HTR1F: variants seen among roughly 807,000 people sequenced by gnomAD.
HTR1F encodes the protein 5-hydroxytryptamine receptor 1F.
A neutral mutation model predicts 24.0 loss-of-function variants in HTR1F; 17 were observed. The ratio of observed to expected loss-of-function variants is 0.71; its 90% confidence interval spans 0.48 to 1.06. HTR1F has a LOEUF of 1.06. Among genes scored for constraint, HTR1F ranks in the 50% least tolerant of loss-of-function variants. The probability of loss-of-function intolerance (pLI) is 0.00; values close to 1 mark genes in which losing one functional copy is unlikely to be tolerated. For missense variants in HTR1F, 391 were observed against 427.8 expected, an observed-to-expected ratio of 0.91 and a Z score of 0.76; for synonymous variants, 186 against 156.8, an observed-to-expected ratio of 1.19 and a Z score of -1.39.
intron 2 of HTR1F, among the ~76,000 whole-genome samples, chr3:87,978,447 AACAGTACAGCTCTCAGT>A (rs1338474756): frequency 8.5e-5 from 13 of 152,290 alleles, no homozygotes; most frequent in South Asian, 6.2e-4. Flanking sequence ...TTTATTGAGC[AACAGTACAGCTCTCAGT>A]ACAGTACAGC....
chr3:87,839,655 A>T (rs1050441640), intron 2 of HTR1F, among the ~76,000 whole-genome samples: 9 of 152,066 alleles, frequency 5.9e-5, no homozygotes, highest in African/African-American at 2.2e-4. Flanking sequence ...AAGTACATGT[A>T]CATGATTGTT....
chr3:87,846,071 G>T (rs972858859), intron 2 of HTR1F, among the ~76,000 whole-genome samples: 11 of 151,828 alleles, frequency 7.2e-5, no homozygotes, highest in African/African-American at 2.2e-4. Context: ...TACTCAGGTG[G>T]ATCTGAGATT....
intron 2 of HTR1F, among the ~76,000 whole-genome samples, chr3:87,843,511 C>CT (rs56345027): frequency 0.095 from 13,103 of 138,146 alleles, 617 homozygotes; most frequent in Middle Eastern, 0.13. Context: ...CTTTCTTTTT[C>CT]TTTTTTTTTT....
chr3:87,976,590 C>T (rs1705399049), intron 2 of HTR1F, among the ~76,000 whole-genome samples: 1 of 152,014 alleles, frequency 6.6e-6, no homozygotes, highest in Admixed American at 6.6e-5. Context: ...TTTAACACAC[C>T]CTAAGCATGT....
intron 2 of HTR1F, among the ~76,000 whole-genome samples, chr3:87,880,646 T>G (rs868651904): frequency 0.063 from 9,252 of 147,174 alleles, 923 homozygotes; most frequent in African/African-American, 0.21. Flanking sequence ...GTGTGTTTGT[T>G]TGTGTGTGTG....
chr3:87,960,847 G>T (rs1208582281), intron 2 of HTR1F, among the ~76,000 whole-genome samples: 2 of 151,850 alleles, frequency 1.3e-5, no homozygotes, highest in African/African-American at 4.8e-5. Context: ...CTTATATGGT[G>T]GTAGACTGCT....
At chr3:87,816,402 C>T (rs775953991) in intron 1 of HTR1F, among the ~76,000 whole-genome samples, 12 of 151,878 alleles carry the variant, frequency 7.9e-5, no homozygotes, top group Admixed American at 2.0e-4. Context: ...GGAGGTCAAC[C>T]GGAAGTGGCA....
rs1705857309 is a variant in HTR1F at position 87,992,395 on chromosome 3, A to G, written c.*545A>G. ...TTAGTGTGACTGCAGAAAATGTAAA[A>G]AAGTCAGAGCTTGAAATTGTCCTTG... is the stretch of plus-strand genomic sequence containing the variant. On this transcript the variant is annotated 3_prime_UTR_variant, in exon 3 of 3. Coordinates refer to ENST00000319595, the MANE Select transcript of HTR1F (RefSeq NM_001322209.2). The G allele has an allele frequency of 6.0e-6, 1 of 167,108 alleles. No individual in the cohort carries two copies. The highest frequency in any genetic ancestry group is 2.4e-5 in the African/African-American group (1 of 41,466). 10.4% of individuals were successfully genotyped at this position (167,108 alleles called of 1,614,324 possible).
intron 2 of HTR1F, among the ~76,000 whole-genome samples, chr3:87,864,194 A>AT (rs538632877): frequency 2.0e-5 from 3 of 151,878 alleles, no homozygotes; most frequent in South Asian, 2.1e-4. Flanking sequence ...CCTTAATTCC[A>AT]TTTTTTCATG....
intron 2 of HTR1F, among the ~76,000 whole-genome samples, chr3:87,946,916 C>G (rs528756718): frequency 6.6e-6 from 1 of 152,092 alleles, no homozygotes; most frequent in Non-Finnish European, 1.5e-5. Context: ...TGAGCCACCA[C>G]GCCCAGCCCA....
At chr3:87,801,939 T>C (rs975504755) in intron 1 of HTR1F, among the ~76,000 whole-genome samples, 2 of 152,212 alleles carry the variant, frequency 1.3e-5, no homozygotes, top group African/African-American at 2.4e-5. Context: ...TTTTAAGTCA[T>C]TTGTGATATT....
intron 2 of HTR1F, among the ~76,000 whole-genome samples, chr3:87,865,933 C>G (rs1246493673): frequency 1.3e-5 from 2 of 152,012 alleles, no homozygotes; most frequent in Admixed American, 6.6e-5. Flanking sequence ...AAACAGCTTA[C>G]CAAAAAGTTG....
chr3:87,863,688 A>G (rs1208630759), intron 2 of HTR1F, among the ~76,000 whole-genome samples: 1 of 152,156 alleles, frequency 6.6e-6, no homozygotes, highest in African/African-American at 2.4e-5. Flanking sequence ...AAATTCTTCC[A>G]TCTTTCATAT....
chr3:87,793,661 A>T (rs1559584780), intron 1 of HTR1F: 1 of 152,098 alleles, frequency 6.6e-6, no homozygotes, highest in Non-Finnish European at 1.5e-5. Context: ...GCATTTGGGG[A>T]GGTTCCAATG....
At chr3:87,989,402 T>C (rs954775251) in intron 2 of HTR1F, among the ~76,000 whole-genome samples, 19 of 152,200 alleles carry the variant, frequency 1.2e-4, no homozygotes, top group African/African-American at 4.6e-4. Context: ...GTCATTATTA[T>C]AATGGGCAGT....
intron 2 of HTR1F, among the ~76,000 whole-genome samples, chr3:87,841,757 A>G (rs1033537054): frequency 1.3e-5 from 2 of 151,284 alleles, no homozygotes; most frequent in Non-Finnish European, 2.9e-5. Context: ...AAAATTAGCC[A>G]GACGTGGTGG....
intron 2 of HTR1F, among the ~76,000 whole-genome samples, chr3:87,933,991 G>T (rs1363104389): frequency 6.6e-6 from 1 of 152,016 alleles, no homozygotes; most frequent in Non-Finnish European, 1.5e-5. Flanking sequence ...AATTTCTATT[G>T]GTCAGCTTTT....
chr3:87,842,199 T>C (rs757424486), intron 2 of HTR1F, among the ~76,000 whole-genome samples: 1 of 151,892 alleles, frequency 6.6e-6, no homozygotes, highest in Non-Finnish European at 1.5e-5. Flanking sequence ...TTTCATTCTG[T>C]TGCCCAGGCT....
intron 2 of HTR1F, among the ~76,000 whole-genome samples, chr3:87,931,187 A>T (rs531494287): frequency 3.9e-4 from 60 of 151,966 alleles, no homozygotes; most frequent in Middle Eastern, 3.4e-3. Flanking sequence ...CCCTAATGCT[A>T]TCACTCCCCC....
Sources: gnomAD v4.1 joint callset for allele counts (sites outside exome capture counted in the v4.1 genomes callset) on GRCh38, gnomAD v4.1.1 for gene constraint, MANE v1.5 for transcripts, NCBI Gene and HGNC (gene_info 2026-07-23, HGNC 2026-07-21) for gene names.